TAMM41: variants seen among roughly 807,000 people sequenced by gnomAD.
The protein encoded by TAMM41 is TAM41 mitochondrial translocator assembly and maintenance homolog, also known as phosphatidate cytidylyltransferase, mitochondrial.
In TAMM41, 36 loss-of-function variants were observed where a neutral mutation model predicts 44.1. The ratio of observed to expected loss-of-function variants is 0.82; its 90% CI spans 0.63 to 1.08. TAMM41 has a LOEUF of 1.08. TAMM41 is among the 50% of genes least tolerant of loss of function. The pLI is 0.00. For missense variants in TAMM41, 417 were observed against 404.3 expected, an observed-to-expected ratio of 1.03 and a Z score of -0.27; for synonymous variants, 164 against 153.1, an observed-to-expected ratio of 1.07 and a Z score of -0.53.
chr3:11,787,212 G>C (rs912955020), downstream of TAMM41, among the ~76,000 whole-genome samples: 1 of 152,164 alleles, frequency 6.6e-6, no homozygotes, highest in Non-Finnish European at 1.5e-5. Flanking sequence ...GGAAGTCATA[G>C]AGCATCTCAT....
intron 4 of TAMM41, among the ~76,000 whole-genome samples, chr3:11,826,273 C>T (rs1049290020): frequency 6.6e-6 from 1 of 152,164 alleles, no homozygotes; most frequent in African/African-American, 2.4e-5. Flanking sequence ...GTGGCCCACA[C>T]CTATAATCCC....
the TAMM41 span, among the ~76,000 whole-genome samples, chr3:11,743,424 C>T: frequency 1.9e-3 from 295 of 151,818 alleles, no homozygotes; most frequent in Middle Eastern, 0.01. Flanking sequence ...ACCTCTGCCT[C>T]CAGGGTTCAA....
intron 7 of TAMM41, among the ~76,000 whole-genome samples, chr3:11,796,302 C>T (rs893218878): frequency 7.2e-5 from 11 of 152,138 alleles, no homozygotes; most frequent in Admixed American, 3.9e-4. Context: ...ACACCCTGGA[C>T]GCTCTCATGT....
At chr3:11,833,217 C>A (rs1034928723) in intron 3 of TAMM41, 95 of 1,228,510 alleles carry the variant, frequency 7.7e-5, no homozygotes, top group Non-Finnish European at 9.3e-5. Context: ...AATGCCCCGA[C>A]CTGAACTGCA....
the TAMM41 span, among the ~76,000 whole-genome samples, chr3:11,768,592 C>T: frequency 1.3e-5 from 2 of 152,136 alleles, no homozygotes; most frequent in African/African-American, 4.8e-5. Flanking sequence ...TTCCAGACAC[C>T]AGGAAATTTA....
chr3:11,784,531 T>G, the TAMM41 span, among the ~76,000 whole-genome samples: 10 of 152,002 alleles, frequency 6.6e-5, no homozygotes, highest in Non-Finnish European at 1.2e-4. Context: ...ACAAAAAAGG[T>G]AGGCATATTT....
intron 7 of TAMM41, among the ~76,000 whole-genome samples, chr3:11,791,963 T>C (rs1261399543): frequency 6.6e-6 from 1 of 152,136 alleles, no homozygotes; most frequent in Non-Finnish European, 1.5e-5. Flanking sequence ...AAGGTGGTTT[T>C]TAAAATTCCA....
the TAMM41 span, among the ~76,000 whole-genome samples, chr3:11,738,854 C>T: frequency 6.6e-6 from 1 of 152,204 alleles, no homozygotes; most frequent in African/African-American, 2.4e-5. Context: ...GCCTGTGTTT[C>T]AGCAAACTCC....
rs1337281205 is a variant in TAMM41 at position 11,839,216 on chromosome 3, A to G, written c.411+6T>C. On this transcript the variant is annotated splice_donor_region_variant and intron_variant, in intron 3 of 7. Coordinates refer to ENST00000455809, the MANE Select transcript of TAMM41 (RefSeq NM_001284401.2). ...TCCTTAACTGTGCAGCCTATAAAAC[A>G]CTCACCGGTTTTTGGAGTCGTCCAG... 1 of 1,603,130 alleles carries G rather than the reference A, an allele frequency of 6.2e-7. No individual in the cohort carries two copies. The highest frequency in any genetic ancestry group is 1.7e-4 in the Middle Eastern group (1 of 6,038).
the TAMM41 span, among the ~76,000 whole-genome samples, chr3:11,769,946 T>C: frequency 8.5e-5 from 13 of 152,184 alleles, no homozygotes; most frequent in Admixed American, 8.5e-4. Context: ...GGAGCTTCTA[T>C]CTGTGACAAG....
chr3:11,823,894 C>T (rs1426396162), intron 4 of TAMM41, among the ~76,000 whole-genome samples: 4 of 147,040 alleles, frequency 2.7e-5, no homozygotes, highest in African/African-American at 7.6e-5. Context: ...GGCATGATCT[C>T]GGCTCACTGC....
the TAMM41 span, among the ~76,000 whole-genome samples, chr3:11,754,400 G>T: frequency 6.6e-6 from 1 of 152,010 alleles, no homozygotes; most frequent in Non-Finnish European, 1.5e-5. Flanking sequence ...TTTAGGCAGG[G>T]TCTCGCTCTA....
At chr3:11,800,388 C>T (rs1283868530) in intron 7 of TAMM41, among the ~76,000 whole-genome samples, 4 of 151,706 alleles carry the variant, frequency 2.6e-5, no homozygotes, top group Non-Finnish European at 5.9e-5. Context: ...ATTAAAAAAA[C>T]ATAATCCACC....
chr3:11,805,731 C>A (rs115667312), intron 7 of TAMM41, among the ~76,000 whole-genome samples: 2,194 of 152,316 alleles, frequency 0.014, 62 homozygotes, highest in African/African-American at 0.05. Flanking sequence ...GTTGAAAGAT[C>A]ACTCCCCTTT....
At chr3:11,770,601 G>T in the TAMM41 span, among the ~76,000 whole-genome samples, 1 of 152,300 alleles carries the variant, frequency 6.6e-6, no homozygotes, top group African/African-American at 2.4e-5. Context: ...TGCTGAGCGC[G>T]TGCTGATCTG....
the TAMM41 span, among the ~76,000 whole-genome samples, chr3:11,732,932 C>G: frequency 6.6e-6 from 1 of 150,848 alleles, no homozygotes; most frequent in Non-Finnish European, 1.5e-5. Flanking sequence ...TGACTTTATT[C>G]TACATGCCAA....
intron 7 of TAMM41, among the ~76,000 whole-genome samples, chr3:11,800,105 AC>A (rs2077711692): frequency 6.6e-6 from 1 of 152,232 alleles, no homozygotes; most frequent in Non-Finnish European, 1.5e-5. Flanking sequence ...AAACATGGAA[AC>A]AAAACGCTGA....
the TAMM41 span, among the ~76,000 whole-genome samples, chr3:11,779,213 G>C: frequency 6.6e-6 from 1 of 152,138 alleles, no homozygotes; most frequent in Non-Finnish European, 1.5e-5. Context: ...CCATGAGTGG[G>C]GGCAGCGTGA....
At chr3:11,839,728 C>T (rs1199861437) in intron 2 of TAMM41, among the ~76,000 whole-genome samples, 1 of 152,146 alleles carries the variant, frequency 6.6e-6, no homozygotes, top group Non-Finnish European at 1.5e-5. Context: ...GTTCCCCTCC[C>T]CAGTCCAGAG....
Sources: allele counts gnomAD v4.1 joint callset (sites outside exome capture counted in the v4.1 genomes callset), GRCh38; gene constraint gnomAD v4.1.1; transcripts MANE v1.5; gene names NCBI Gene and HGNC (gene_info 2026-07-23, HGNC 2026-07-21).